TENM4: variants seen among roughly 807,000 people sequenced by gnomAD.
TENM4 encodes teneurin-4.
Under a neutral mutation model 243.3 loss-of-function variants are expected in TENM4, and 82 were observed. The ratio of observed to expected loss-of-function variants is 0.34; its 90% CI spans 0.28 to 0.40. The LOEUF (loss-of-function observed/expected upper bound fraction) is 0.40. TENM4 is among the 10% of genes least tolerant of loss of function. TENM4 has a pLI of 1.00. For missense variants in TENM4, 3,138 were observed against 3,673.3 expected (o/e 0.85, Z 3.77); for synonymous variants, 1,412 against 1,456.3 (o/e 0.97, Z 0.69).
chr11:78,725,187 G>A (rs1393442565), intron 23 of TENM4, among the ~76,000 whole-genome samples: 1 of 152,130 alleles, frequency 6.6e-6, no homozygotes, highest in Non-Finnish European at 1.5e-5. Flanking sequence ...GTTTTTCTAG[G>A]ATAGCTTAAT....
Position 79,069,797 on chromosome 11 carries a change from G to T in TENM4, c.148C>A (p.Gln50Lys). The T allele has an allele frequency of 1.3e-6, 2 of 1,551,226 alleles. No individual in the cohort carries two copies. The highest frequency in any genetic ancestry group is 1.7e-6 in the Non-Finnish European group (2 of 1,146,908). Residue 50 changes from glutamine to lysine, a missense_variant, in exon 5 of 34, where the codon CAG (glutamine) becomes AAG (lysine). Transcript: ENST00000278550. ...SSSETLKAYD[Q>K]DARLAYGSRV... ...CTGCCATAGGCTAGGCGGGCGTCCT[G>T]GTCGTAGGCCTTCAGGGTCTCGCTG...
At chr11:78,862,868 G>A in intron 10 of TENM4, 94 bp downstream of exon 10, 1 of 1,246,206 alleles carries the variant, frequency 8.0e-7, no homozygotes, top group Non-Finnish European at 1.0e-6. Flanking sequence ...ATGGAGCTGT[G>A]AGCCAGGCAC....
chr11:78,947,745 C>T (rs117879415), intron 6 of TENM4, among the ~76,000 whole-genome samples: 1,560 of 152,274 alleles, frequency 0.01, 14 homozygotes, highest in South Asian at 0.025. Context: ...TGTCCTGCCT[C>T]GGCACAGAAG....
intron 6 of TENM4, among the ~76,000 whole-genome samples, chr11:79,010,431 C>T (rs1014224743): frequency 3.3e-5 from 5 of 151,994 alleles, no homozygotes; most frequent in African/African-American, 7.3e-5. Context: ...GCTTCCATTG[C>T]TCTGGGGGAG....
intron 9 of TENM4, among the ~76,000 whole-genome samples, chr11:78,889,080 T>C (rs1308815331): frequency 6.6e-6 from 1 of 152,214 alleles, no homozygotes; most frequent in Non-Finnish European, 1.5e-5. Flanking sequence ...GGGAGCCATC[T>C]GCTGTATCAA....
chr11:79,139,202 TAAATATATA>T (rs1400759236), intron 4 of TENM4, among the ~76,000 whole-genome samples: 2 of 44,120 alleles, frequency 4.5e-5, no homozygotes, highest in East Asian at 1.1e-3. Flanking sequence ...TATATTTCTA[TAAATATATA>T]AAATATATAT....
chr11:78,813,100 TC>T (rs1251874301), intron 13 of TENM4, among the ~76,000 whole-genome samples: 1 of 152,198 alleles, frequency 6.6e-6, no homozygotes, highest in African/African-American at 2.4e-5. Flanking sequence ...CCACCTGGCT[TC>T]TTTCCTTTTT....
At chr11:78,712,764 A>G in intron 25 of TENM4, 50 bp from the exon 26 acceptor site, 1 of 1,541,740 alleles carries the variant, frequency 6.5e-7, no homozygotes, top group Admixed American at 1.7e-5. Flanking sequence ...TCTTCCTATG[A>G]GTAGCTGGAG....
chr11:78,903,446 G>C lies in TENM4; in HGVS notation c.571C>G (p.Gln191Glu), dbSNP rs1471437529. ...GAGTTAATGGAGGCCGCGTGGTGCT[G>C]GTTGGGGGTGTGGGCGTGCGAGAGC... is the stretch of plus-strand genomic sequence containing the variant. ...PPLSHAHTPN[Q>E]HHAASINSLN... The change falls in exon 7 of 34, where the codon CAG (glutamine) becomes GAG (glutamate). Residue 191 changes from glutamine (Q) to glutamate (E), a missense_variant. By Grantham distance (29) the Gln-to-Glu change is conservative. This residue lies in a region of TENM4 where 671 missense variants were observed against 614.1 expected (regional missense o/e 1.09). Transcript: ENST00000278550. 1.3e-6 allele frequency: 2 copies of C among 1,548,788 alleles called. No homozygotes were observed. Among genetic ancestry groups the C allele is most frequent in the Admixed American group, 2.0e-5 (1 of 50,700 alleles).
At chr11:78,913,758 G>T (rs1856250802) in intron 6 of TENM4, among the ~76,000 whole-genome samples, 1 of 152,160 alleles carries the variant, frequency 6.6e-6, no homozygotes, top group Non-Finnish European at 1.5e-5. Flanking sequence ...GCCATGCTGT[G>T]CTGATTTGCT....
intron 1 of TENM4, among the ~76,000 whole-genome samples, chr11:79,370,779 T>TAAAA (rs544196671): frequency 0.033 from 1,866 of 56,980 alleles, 181 homozygotes; most frequent in African/African-American, 0.056. Flanking sequence ...ACTCCTATGG[T>TAAAA]AAAAAAAAAA....
At chr11:78,675,863 T>C (rs1280718869) in intron 30 of TENM4, among the ~76,000 whole-genome samples, 2 of 152,196 alleles carry the variant, frequency 1.3e-5, no homozygotes, top group African/African-American at 4.8e-5. Context: ...ATTTTATAGA[T>C]GATGAAATTG....
At chr11:79,328,539 C>A (rs1428830481) in intron 1 of TENM4, among the ~76,000 whole-genome samples, 3 of 152,106 alleles carry the variant, frequency 2.0e-5, no homozygotes, top group African/African-American at 4.8e-5. Context: ...ACAACTGTGA[C>A]CCTGCAGCTG....
At chr11:78,813,027 C>T (rs1181733439) in intron 13 of TENM4, among the ~76,000 whole-genome samples, 4 of 152,160 alleles carry the variant, frequency 2.6e-5, no homozygotes, top group African/African-American at 7.2e-5. Context: ...GCATATGGGA[C>T]GAGACGGTAA....
intron 21 of TENM4, among the ~76,000 whole-genome samples, chr11:78,731,029 G>A (rs1056307461): frequency 2.6e-5 from 4 of 152,172 alleles, no homozygotes; most frequent in African/African-American, 9.7e-5. Flanking sequence ...ACCTGTGAGA[G>A]GACTGGGAAA....
At chr11:78,925,327 G>A (rs1275209106) in intron 6 of TENM4, among the ~76,000 whole-genome samples, 3 of 151,994 alleles carry the variant, frequency 2.0e-5, no homozygotes, top group African/African-American at 7.2e-5. Context: ...AAGTGTGTAT[G>A]TATGTGTGTG....
chr11:79,252,767 C>G (rs1855633555), intron 2 of TENM4, among the ~76,000 whole-genome samples: 1 of 152,170 alleles, frequency 6.6e-6, no homozygotes, highest in Non-Finnish European at 1.5e-5. Context: ...TGCCCCAGCT[C>G]TCCTGTGGGT....
chr11:78,883,803 G>A (rs1855488554), intron 9 of TENM4, among the ~76,000 whole-genome samples: 2 of 152,212 alleles, frequency 1.3e-5, no homozygotes, highest in African/African-American at 2.4e-5. Context: ...GATGTGAGCT[G>A]CTTTGCAGCT....
At chr11:79,070,547 A>T (rs1860386355) in intron 4 of TENM4, among the ~76,000 whole-genome samples, 1 of 152,172 alleles carries the variant, frequency 6.6e-6, no homozygotes, top group African/African-American at 2.4e-5. Context: ...CACACTTACC[A>T]CTACCAGATG....
Sources: allele counts gnomAD v4.1 joint callset (sites outside exome capture counted in the v4.1 genomes callset), GRCh38; gene constraint gnomAD v4.1.1; regional missense constraint gnomAD v4.1.1; transcripts MANE v1.5; gene names NCBI Gene and HGNC (gene_info 2026-07-23, HGNC 2026-07-21).